CYTH3: variants seen among roughly 807,000 people sequenced by gnomAD.
CYTH3 encodes the protein cytohesin 3.
In CYTH3, 23 loss-of-function variants were observed where a neutral mutation model predicts 55.1. The observed-to-expected ratio is 0.42, with a 90% CI of 0.30 to 0.59. The LOEUF (loss-of-function observed/expected upper bound fraction) is 0.59, where lower values mean the gene tolerates loss of function less well. Ranked by LOEUF, CYTH3 falls within the 20% of genes least tolerant of loss-of-function variation. The probability of loss-of-function intolerance (pLI) is 0.20; values close to 1 mark genes in which losing one functional copy is unlikely to be tolerated. For missense variants in CYTH3, 413 were observed against 524.8 expected, an observed-to-expected ratio of 0.79 and a Z score of 2.08; for synonymous variants, 249 against 194.9, an observed-to-expected ratio of 1.28 and a Z score of -2.31.
In CYTH3 at chr7:6,163,579, G is replaced by C. The variant is rs897394018; in HGVS notation, c.*1365C>G. 2.6e-5 allele frequency: 4 copies of C among 152,280 alleles called. No individual in the cohort carries two copies. Among genetic ancestry groups the C allele is most frequent in the Non-Finnish European group, 5.9e-5 (4 of 68,094 alleles). 9.4% of individuals were successfully genotyped at this position (152,280 alleles called of 1,614,324 possible). A position where few individuals can be genotyped will look rare whatever the true frequency, so the allele number is the denominator to read the frequency against. On this transcript the variant is annotated 3_prime_UTR_variant, in exon 13 of 13. Transcript: ENST00000350796. ...GGGGCCCAGATCCAGCCTTCCTTGA[G>C]CGGAGCACTGGGCACCTCCTATCCT... is the stretch of plus-strand genomic sequence containing the variant.
At chr7:6,211,033 C>A (rs950636137) in intron 1 of CYTH3, among the ~76,000 whole-genome samples, 9 of 152,212 alleles carry the variant, frequency 5.9e-5, no homozygotes, top group Non-Finnish European at 1.2e-4. Context: ...TAAATCAAAT[C>A]ATGTCTCTTC....
intron 1 of CYTH3, among the ~76,000 whole-genome samples, chr7:6,196,204 C>T (rs1166987773): frequency 3.3e-5 from 5 of 152,096 alleles, no homozygotes; most frequent in East Asian, 3.9e-4. Flanking sequence ...TTACTGTGAT[C>T]GGCTAAAGAG....
Position 6,177,766 on chromosome 7 carries a change from G to C in CYTH3, c.368+57C>G, listed in dbSNP as rs946564728. On this transcript the variant is annotated intron_variant, in intron 5 of 12. Transcript: ENST00000350796. Reference sequence around the variant, plus strand: ...CCCCGAAAGTGGAGCGTGAGCCTAGGTCAAGCTGCAGGGCTGAGTGGCCCC... The same window carrying C: ...CCCCGAAAGTGGAGCGTGAGCCTAGCTCAAGCTGCAGGGCTGAGTGGCCCC... 2.9e-6 allele frequency: 4 copies of C among 1,364,838 alleles called. No individual in the cohort carries two copies. The African/African-American group carries it at 5.7e-5, about 20-fold the overall frequency. The allele number at this position is 1,364,838 out of a possible 1,614,324, so 84.5% of individuals were successfully genotyped here.
rs747671573 is a variant in CYTH3, at chr7:6,170,989, T to A, written c.563-11A>T. The A allele has an allele frequency of 1.8e-5, 29 of 1,613,280 alleles. No individual in the cohort carries two copies. Among genetic ancestry groups the A allele is most frequent in the Non-Finnish European group, 2.5e-5 (29 of 1,179,818 alleles). ...GCACGTAGCACGTGTCTGCAACGAG[T>A]CCGGGGTGCTGGGCTCAGCCAGAAC... On this transcript the variant is annotated splice_polypyrimidine_tract_variant and intron_variant, in intron 7 of 12. Coordinates refer to ENST00000350796, the MANE Select transcript of CYTH3 (RefSeq NM_004227.4). The surrounding 1 kb of genome is among the most constrained non-coding windows in gnomAD (Gnocchi z 7.8).
At chr7:6,222,746 CA>C (rs537257938) in intron 1 of CYTH3, among the ~76,000 whole-genome samples, 76 of 65,432 alleles carry the variant, frequency 1.2e-3, no homozygotes, top group Middle Eastern at 8.5e-3. Flanking sequence ...GACTCCGTTT[CA>C]AAAAAAAAAA....
chr7:6,251,203 T>C (rs1583197398), intron 1 of CYTH3, among the ~76,000 whole-genome samples: 1 of 152,076 alleles, frequency 6.6e-6, no homozygotes, highest in East Asian at 1.9e-4. Flanking sequence ...TGAATCCAGG[T>C]GGCGGAGGTT....
chr7:6,211,408 C>G (rs113833855), intron 1 of CYTH3, among the ~76,000 whole-genome samples: 128 of 152,392 alleles, frequency 8.4e-4, no homozygotes, highest in African/African-American at 2.9e-3. Flanking sequence ...ACTCCTGGCT[C>G]TACCACTTCA....
chr7:6,216,381 ACATATATG>A (rs1170923058), intron 1 of CYTH3, among the ~76,000 whole-genome samples: 1 of 152,092 alleles, frequency 6.6e-6, no homozygotes, highest in Non-Finnish European at 1.5e-5. Flanking sequence ...ATACATATAT[ACATATATG>A]CAAACATACA....
In CYTH3 at chr7:6,170,460, G is replaced by A. The variant is rs1460536597; in HGVS notation, c.823+75C>T. The A allele has an allele frequency of 7.2e-6, 10 of 1,390,572 alleles. No homozygotes were observed. The African/African-American group carries it at 1.0e-4, about 14-fold the overall frequency. The allele number at this position is 1,390,572 out of a possible 1,614,324, so 86.1% of individuals were successfully genotyped here. A position where few individuals can be genotyped will look rare whatever the true frequency, so the allele number is the denominator to read the frequency against. ...GCGGTGGGGGGCATTCCTACGATGA[G>A]CCTGGGAGGAACCCGAGGGGCTGCT... is the stretch of plus-strand genomic sequence containing the variant. On this transcript the variant is annotated intron_variant, in intron 9 of 12. Transcript: ENST00000350796. This position sits in a 1 kb window ranked among gnomAD's most constrained non-coding sequence, Gnocchi z 7.8.
chr7:6,174,541 T>TTTG (rs1783287631), intron 5 of CYTH3, among the ~76,000 whole-genome samples: 1 of 133,630 alleles, frequency 7.5e-6, no homozygotes, highest in African/African-American at 2.9e-5. Context: ...CCTTGTGGGT[T>TTTG]TTTTTTTTTT....
chr7:6,172,747 TCTGGATGTACAG>T, intron 6 of CYTH3: 1 of 1,239,108 alleles, frequency 8.1e-7, no homozygotes, highest in Non-Finnish European at 1.0e-6. Context: ...TGCACCCTTC[TCTGGATGTACAG>T]CTTCCAGAAA....
At chr7:6,181,839 T>C (rs1309971487) in intron 4 of CYTH3, among the ~76,000 whole-genome samples, 1 of 152,148 alleles carries the variant, frequency 6.6e-6, no homozygotes, top group East Asian at 1.9e-4. Flanking sequence ...ACACGTCCAC[T>C]CTTCAGCCAC....
Position 6,171,334 on chromosome 7 carries a change from A to C in CYTH3, c.450-20T>G. On this transcript the variant is annotated intron_variant, in intron 6 of 12. Transcript: ENST00000350796. The surrounding 1 kb of genome is among the most constrained non-coding windows in gnomAD (Gnocchi z 6.7). ...AACTGCCTGTGGAGACACCAAAGCC[A>C]TGGGAAGCCGCATCAGAACCAACAC... 2 of 1,612,294 alleles carry C rather than the reference A, an allele frequency of 1.2e-6. No individual in the cohort carries two copies. The highest frequency in any genetic ancestry group is 1.7e-6 in the Non-Finnish European group (2 of 1,178,546).
intron 1 of CYTH3, among the ~76,000 whole-genome samples, chr7:6,217,340 C>T (rs577513508): frequency 1.5e-4 from 23 of 152,086 alleles, no homozygotes; most frequent in East Asian, 1.2e-3. Context: ...TTCAAATACA[C>T]GTATTTTATA....
At chr7:6,209,042 C>T (rs1191094258) in intron 1 of CYTH3, among the ~76,000 whole-genome samples, 1 of 152,212 alleles carries the variant, frequency 6.6e-6, no homozygotes, top group African/African-American at 2.4e-5. Flanking sequence ...TGCTAAAATA[C>T]AGCACTGAAT....
chr7:6,262,806 C>T (rs994567567), intron 1 of CYTH3, among the ~76,000 whole-genome samples: 2 of 152,218 alleles, frequency 1.3e-5, no homozygotes, highest in Admixed American at 1.3e-4. Flanking sequence ...GTAGTCCTAG[C>T]TACTCGGGAG....
intron 3 of CYTH3, among the ~76,000 whole-genome samples, 196 bp from the exon 4 acceptor site, chr7:6,187,312 A>G (rs542350173): frequency 3.3e-5 from 5 of 152,214 alleles, no homozygotes; most frequent in Non-Finnish European, 7.3e-5. Flanking sequence ...TGATAACTTG[A>G]GACACTTCAG....
chr7:6,174,850 C>A (rs940833936), intron 5 of CYTH3, among the ~76,000 whole-genome samples: 14 of 152,200 alleles, frequency 9.2e-5, no homozygotes, highest in Non-Finnish European at 2.1e-4. Flanking sequence ...CCCAGCCTCT[C>A]CTTGTGGTTT....
chr7:6,261,105 G>C (rs545838861), intron 1 of CYTH3, among the ~76,000 whole-genome samples: 9 of 152,328 alleles, frequency 5.9e-5, no homozygotes, highest in African/African-American at 2.2e-4. Context: ...GGACTCTGGA[G>C]GCCAGGATTC....
Sources: allele counts gnomAD v4.1 joint callset (sites outside exome capture counted in the v4.1 genomes callset), GRCh38; gene constraint gnomAD v4.1.1; non-coding constraint Gnocchi (gnomAD v3.1); transcripts MANE v1.5; gene names NCBI Gene and HGNC (gene_info 2026-07-23, HGNC 2026-07-21).